Variants in NOX1 observed in about 807,000 individuals in gnomAD.
NOX1 encodes the protein NADPH oxidase 1.
In NOX1, 34 loss-of-function variants were observed where a neutral mutation model predicts 42.5. The observed-to-expected ratio is 0.80, with a 90% CI of 0.61 to 1.07. NOX1 has a LOEUF of 1.07. Among genes scored for constraint, NOX1 ranks in the 50% least tolerant of loss-of-function variants. NOX1 has a pLI of 0.00. For synonymous variants in NOX1, 143 were observed against 152.5 expected (o/e 0.94, Z 0.46); for missense variants, 408 against 427.0 (o/e 0.96, Z 0.39).
Position 100,857,339 on chromosome X carries a change from C to G in NOX1, c.804+4832G>C, listed in dbSNP as rs1364784056. 2.7e-5 allele frequency among the ~76,000 whole-genome samples: 3 copies of G among 111,979 alleles called. No individual in the cohort carries two copies. The Admixed American group carries it at 2.9e-4, about 11-fold the overall frequency. On this transcript the variant is annotated intron_variant, in intron 7 of 12. Transcript: ENST00000372966. ...GTTTTGAATAGTGCTGCAATGAACA[C>G]ACAAGTGCATGTGTCTTTGTCATAG... is the stretch of plus-strand genomic sequence containing the variant.
At position 100,862,570 on chromosome X, in the gene NOX1, C is replaced by T. The variant is rs776715462; in HGVS notation, c.493G>A (p.Val165Met). ...LNPIQSRNTT[V>M]EYVTFTSIAG... ...ATGCTGGTGAATGTCACATACTCCA[C>T]TGTCTGTGAAAGGAGAAATGTCAGC... The change falls in exon 6 of 13, where the codon GTG becomes ATG. Residue 165 changes from valine (V) to methionine (M), a missense_variant. Coordinates refer to ENST00000372966, the MANE Select transcript of NOX1 (RefSeq NM_007052.5). 2.2e-5 allele frequency: 27 copies of T among 1,206,405 alleles called. No homozygotes were observed. The highest frequency in any genetic ancestry group is 2.9e-5 in the Non-Finnish European group (26 of 891,653).
chrX:100,846,169 C>T (rs1240910029), intron 12 of NOX1, among the ~76,000 whole-genome samples: 4 of 111,673 alleles, frequency 3.6e-5, no homozygotes, highest in African/African-American at 1.3e-4. Context: ...GATCCATCTG[C>T]CTTGGCCTCC....
In NOX1 at chrX:100,868,863, G is replaced by T. The variant is rs764080726; in HGVS notation, c.141+1856C>A. Among the ~76,000 whole-genome samples the T allele has an allele frequency of 8.5e-3, 942 of 110,887 alleles. 14 individuals are homozygous for T. The highest frequency in any genetic ancestry group is 0.028 in the African/African-American group (859 of 30,446). On this transcript the variant is annotated intron_variant, in intron 2 of 12. Transcript: ENST00000372966. The stretch of plus-strand genomic sequence containing the variant: ...TAAGGTGTAAGGAAGGGATCCAGTT[G>T]CAGCTTTCTACATATGGCTAGCCAG...
In NOX1 at chrX:100,843,522, A is replaced by T. The variant is rs2085050801; in HGVS notation, c.*430T>A. The T allele has an allele frequency of 9.8e-7, 1 of 1,020,177 alleles. No homozygotes were observed. The highest frequency in any genetic ancestry group is 2.0e-5 in the African/African-American group (1 of 49,679). The allele number at this position is 1,020,177 out of a possible 1,213,427, so 84.1% of individuals were successfully genotyped here. On this transcript the variant is annotated 3_prime_UTR_variant, in exon 13 of 13. Transcript: ENST00000372966. The stretch of plus-strand genomic sequence containing the variant: ...ATCATTAATTATTCAATAAATTTTT[A>T]TTTAAAAAGTCACCCTACTTAGAAA...
intron 2 of NOX1, among the ~76,000 whole-genome samples, chrX:100,864,430 A>G (rs1205698889): frequency 8.9e-6 from 1 of 112,711 alleles, no homozygotes; most frequent in Non-Finnish European, 1.9e-5. Context: ...AAACACTTAA[A>G]ATTTTTAACC....
chrX:100,862,618 A>G (rs199840544), intron 5 of NOX1, 45 bp from the exon 6 acceptor site: 71 of 1,191,931 alleles, frequency 6.0e-5, no homozygotes, highest in Non-Finnish European at 7.2e-5. Flanking sequence ...CCACCTGTGC[A>G]CTTCCTGCTC....
Position 100,851,249 on chromosome X carries a change from T to G in NOX1, c.881A>C (p.Lys294Thr). ...ATTCTTTACCTTGGTAATCACAACCTTCTGCTGGGAGCGGTAAAACCGGAG... is the reference window on the plus strand; with the variant it reads ...ATTCTTTACCTTGGTAATCACAACCGTCTGCTGGGAGCGGTAAAACCGGAG... ...RILRFYRSQQ[K>T]VVITKVVMHP... The change falls in exon 8 of 13, where the codon AAG (lysine) becomes ACG (threonine). Residue 294 changes from lysine to threonine, a missense_variant. Transcript: ENST00000372966. 1 of 1,185,040 alleles carries G rather than the reference T, an allele frequency of 8.4e-7. No homozygotes were observed. The highest frequency in any genetic ancestry group is 1.1e-6 in the Non-Finnish European group (1 of 874,074).
chrX:100,866,627 A>G (rs2085239970), intron 2 of NOX1, among the ~76,000 whole-genome samples: 1 of 110,717 alleles, frequency 9.0e-6, no homozygotes, highest in Non-Finnish European at 1.9e-5. Flanking sequence ...TTTAATAGCA[A>G]TAATTTTTGC....
rs1334469966 is a variant in NOX1 at position 100,843,481 on chromosome X, TTTA to T, written c.*468_*470del. The T allele has an allele frequency of 4.9e-5, 52 of 1,070,954 alleles. No homozygotes were observed. Among genetic ancestry groups the T allele is most frequent in the Admixed American group, 2.2e-4 (5 of 22,859 alleles). 88.3% of individuals were successfully genotyped at this position (1,070,954 alleles called of 1,213,427 possible). ...TCGGTAATTTTGTTTATTATTTATGTTTATTATTATGTTTTATCATTAATTATT... is the reference window on the plus strand; with the variant it reads ...TCGGTAATTTTGTTTATTATTTATGTTTATTATGTTTTATCATTAATTATT... On this transcript the variant is annotated 3_prime_UTR_variant, in exon 13 of 13. Coordinates refer to ENST00000372966, the MANE Select transcript of NOX1 (RefSeq NM_007052.5).
chrX:100,846,920 G>A (rs943447696), intron 12 of NOX1, among the ~76,000 whole-genome samples: 7 of 39 alleles, frequency 0.18, no homozygotes, highest in South Asian at 0.64. Flanking sequence ...CGGGCATGGT[G>A]GCTCATGCTG....
At chrX:100,853,105 G>C (rs1303218216) in intron 7 of NOX1, among the ~76,000 whole-genome samples, 3 of 111,183 alleles carry the variant, frequency 2.7e-5, no homozygotes, top group Admixed American at 1.9e-4. Context: ...GGGAAATGAA[G>C]ATAAATAATT....
At chrX:100,865,568 T>A (rs1164401790) in intron 2 of NOX1, among the ~76,000 whole-genome samples, 4 of 112,691 alleles carry the variant, frequency 3.5e-5, no homozygotes, top group Non-Finnish European at 7.5e-5. Context: ...CAAATTGTTA[T>A]CTGTATTTTC....
chrX:100,853,082 G>A (rs73636624), intron 7 of NOX1, among the ~76,000 whole-genome samples: 6,249 of 110,734 alleles, frequency 0.056, 479 homozygotes, highest in African/African-American at 0.2. Context: ...TTTTACCCTG[G>A]AACTTCACTT....
chrX:100,849,923 T>C lies in NOX1; in HGVS notation c.1145A>G (p.Asp382Gly). Residue 382 changes from aspartate to glycine, a missense_variant, in exon 10 of 13, where the codon GAT becomes GGT. Coordinates refer to ENST00000372966, the MANE Select transcript of NOX1 (RefSeq NM_007052.5). ...CTCACTGGCTGTGCCAAAGGGACCATCCACTTCAATCCTGGCAGAAGACAG... is the reference window on the plus strand; with the variant it reads ...CTCACTGGCTGTGCCAAAGGGACCACCCACTTCAATCCTGGCAGAAGACAG... ...QYSPIPRIEVDGPFGTASEDV... is the reference protein window; with the variant it reads ...QYSPIPRIEVGGPFGTASEDV... The C allele has an allele frequency of 8.4e-7, 1 of 1,194,846 alleles. No individual in the cohort carries two copies.
intron 1 of NOX1, among the ~76,000 whole-genome samples, chrX:100,871,718 C>T (rs769189186): frequency 9.0e-6 from 1 of 111,367 alleles, no homozygotes; most frequent in Admixed American, 9.6e-5. Context: ...GTCTGTAATT[C>T]GACAGGTCTC....
At chrX:100,868,205 C>T (rs1422072254) in intron 2 of NOX1, among the ~76,000 whole-genome samples, 2 of 111,502 alleles carry the variant, frequency 1.8e-5, no homozygotes, top group Non-Finnish European at 3.8e-5. Context: ...ATGAACAGAA[C>T]GTTCAAATTA....
rs955944291 is a variant in NOX1 at position 100,862,561 on chromosome X, C to T, written c.502G>A (p.Val168Met). The change falls in exon 6 of 13, where the codon GTG becomes ATG. Residue 168 changes from valine (V) to methionine (M), a missense_variant. Physicochemically the swap from Val to Met is conservative, Grantham distance 21 (BLOSUM62 1). Transcript: ENST00000372966. Reference sequence around the variant, plus strand: ...AGACCAGCAATGCTGGTGAATGTCACATACTCCACTGTCTGTGAAAGGAGA... The same window carrying T: ...AGACCAGCAATGCTGGTGAATGTCATATACTCCACTGTCTGTGAAAGGAGA... ...IQSRNTTVEY[V>M]TFTSIAGLTG... 1 of 1,207,906 alleles carries T rather than the reference C, an allele frequency of 8.3e-7. No individual in the cohort carries two copies. The highest frequency in any genetic ancestry group is 1.1e-6 in the Non-Finnish European group (1 of 893,825).
chrX:100,865,899 GCACAC>G (rs2147918515), intron 2 of NOX1, among the ~76,000 whole-genome samples: 1 of 112,354 alleles, frequency 8.9e-6, no homozygotes, highest in South Asian at 3.7e-4. Context: ...GCTGGTTTCA[GCACAC>G]CACTGGTTAG....
At position 100,863,427 on chromosome X, in the gene NOX1, G is replaced by A; in HGVS notation, c.252+58C>T. 7 of 1,123,761 alleles carry A rather than the reference G, an allele frequency of 6.2e-6. No homozygotes were observed. In the South Asian group the frequency reaches 1.3e-4, roughly 21 times the overall value. The allele number at this position is 1,123,761 out of a possible 1,213,427, so 92.6% of individuals were successfully genotyped here. Reference sequence around the variant, plus strand: ...GCATGGTGTTGGACTGTCCTACTGAGGAGTCTGGGGTCTCCTTCTTTAATG... The same window carrying A: ...GCATGGTGTTGGACTGTCCTACTGAAGAGTCTGGGGTCTCCTTCTTTAATG... On this transcript the variant is annotated intron_variant, in intron 3 of 12. Transcript: ENST00000372966.
Sources: gnomAD v4.1 joint callset for allele counts (sites outside exome capture counted in the v4.1 genomes callset) on GRCh38, gnomAD v4.1.1 for gene constraint, MANE v1.5 for transcripts, NCBI Gene and HGNC (gene_info 2026-07-23, HGNC 2026-07-21) for gene names.